The following PHF21B variants were observed in gnomAD, a reference collection of about 807,000 sequenced individuals.
The protein encoded by PHF21B is PHD finger protein 21B, also known as PHD finger protein 4.
Under a neutral mutation model 62.2 loss-of-function variants are expected in PHF21B, and 22 were observed. That is an observed-to-expected ratio of 0.35 (90% CI 0.25 to 0.51). The LOEUF is 0.51. Among genes scored for constraint, PHF21B ranks in the 20% least tolerant of loss-of-function variants. The pLI is 0.97. For synonymous variants in PHF21B, 341 were observed against 314.7 expected (o/e 1.08, Z -0.88); for missense variants, 701 against 707.9 (o/e 0.99, Z 0.11).
chr22:45,005,405 C>T (rs2073296904), intron 2 of PHF21B, among the ~76,000 whole-genome samples: 1 of 152,160 alleles, frequency 6.6e-6, no homozygotes, highest in African/African-American at 2.4e-5. Context: ...TTTCAAATAG[C>T]AAGGTCCTAT....
chr22:44,898,889 C>T (rs1370456813), intron 5 of PHF21B, among the ~76,000 whole-genome samples: 2 of 152,192 alleles, frequency 1.3e-5, no homozygotes, highest in Admixed American at 6.5e-5. Context: ...ACTGAAAATT[C>T]CATCTTCCCG....
intron 5 of PHF21B, among the ~76,000 whole-genome samples, chr22:44,899,659 T>A (rs1292196676): frequency 2.0e-5 from 3 of 151,976 alleles, no homozygotes; most frequent in Admixed American, 6.6e-5. Context: ...CTCCTCTCCT[T>A]CCTTCTCCTC....
At chr22:44,993,622 A>C (rs1191079619) in intron 2 of PHF21B, among the ~76,000 whole-genome samples, 1 of 152,246 alleles carries the variant, frequency 6.6e-6, no homozygotes, top group Non-Finnish European at 1.5e-5. Flanking sequence ...GCTTGGAGAC[A>C]GCGGCCTTCA....
intron 2 of PHF21B, among the ~76,000 whole-genome samples, chr22:44,924,343 A>T (rs1322924098): frequency 6.6e-6 from 1 of 152,220 alleles, no homozygotes; most frequent in Non-Finnish European, 1.5e-5. Context: ...ACATAAAATG[A>T]TACGCTTTGA....
chr22:45,000,328 A>G (rs565604486), intron 2 of PHF21B, among the ~76,000 whole-genome samples: 8 of 152,112 alleles, frequency 5.3e-5, no homozygotes, highest in East Asian at 3.9e-4. Flanking sequence ...TGCCCCATAC[A>G]TATCAAGAGC....
intron 2 of PHF21B, among the ~76,000 whole-genome samples, chr22:44,992,845 T>C (rs2073063428): frequency 6.6e-6 from 1 of 152,200 alleles, no homozygotes; most frequent in Non-Finnish European, 1.5e-5. Context: ...CACGATCCTG[T>C]CGGCCTCATC....
chr22:44,900,036 T>C (rs543027042), intron 5 of PHF21B, among the ~76,000 whole-genome samples: 5 of 152,344 alleles, frequency 3.3e-5, no homozygotes, highest in South Asian at 2.1e-4. Flanking sequence ...TTCTGATTCA[T>C]TTAAAGTCCC....
intron 2 of PHF21B, among the ~76,000 whole-genome samples, chr22:44,921,156 A>G (rs959587914): frequency 2.6e-5 from 4 of 152,108 alleles, no homozygotes; most frequent in African/African-American, 9.7e-5. Flanking sequence ...GCCCCCCAAT[A>G]TGGGGGTCTC....
In PHF21B at chr22:45,009,655, C is replaced by G; in HGVS notation, c.-106G>C. On this transcript the variant is annotated 5_prime_UTR_variant, in exon 1 of 13. Transcript: ENST00000313237. This position sits in a 1 kb window ranked among gnomAD's most constrained non-coding sequence, Gnocchi z 5.9. The stretch of plus-strand genomic sequence containing the variant: ...GGCGCGGGCGGACGCGGCCTCCGGG[C>G]TGGGTTGGGGGGGACACGAGCCCCC... 2.6e-6 allele frequency: 3 copies of G among 1,135,888 alleles called. No individual in the cohort carries two copies. The highest frequency in any genetic ancestry group is 3.5e-6 in the Non-Finnish European group (3 of 852,310). 70.4% of individuals were successfully genotyped at this position (1,135,888 alleles called of 1,614,324 possible).
intron 2 of PHF21B, among the ~76,000 whole-genome samples, chr22:44,946,882 G>A (rs968171905): frequency 6.6e-6 from 1 of 152,196 alleles, no homozygotes; most frequent in African/African-American, 2.4e-5. Flanking sequence ...TCAGCCACCT[G>A]CCACAGAAGG....
At chr22:44,916,770 C>T (rs973697057) in intron 3 of PHF21B, 140 bp from the exon 4 acceptor site, 4 of 814,346 alleles carry the variant, frequency 4.9e-6, no homozygotes, top group African/African-American at 1.7e-5. Flanking sequence ...CACGGCCTCA[C>T]AGCAGGTGAG....
At chr22:44,924,962 A>G (rs959017985) in intron 2 of PHF21B, among the ~76,000 whole-genome samples, 1 of 152,340 alleles carries the variant, frequency 6.6e-6, no homozygotes, top group East Asian at 1.9e-4. Context: ...ACGACAGAGT[A>G]TTACTCAGCA....
At chr22:44,984,284 CCAT>C (rs1475254230) in intron 2 of PHF21B, among the ~76,000 whole-genome samples, 86 of 147,876 alleles carry the variant, frequency 5.8e-4, no homozygotes, top group Middle Eastern at 6.9e-3. Flanking sequence ...ACCACCACCA[CCAT>C]CATCATCATC....
At chr22:44,995,785 C>T (rs2073110518) in intron 2 of PHF21B, among the ~76,000 whole-genome samples, 3 of 149,886 alleles carry the variant, frequency 2.0e-5, no homozygotes, top group African/African-American at 7.4e-5. Context: ...CTAGATGACC[C>T]CCCCGCCCCC....
rs537768936 is a variant in PHF21B, at chr22:44,894,563, T to A, written c.884-1030A>T. ...GGCAAGCTGAGGGCAGCGGGATTCA[T>A]CTCGCTCAAGCTCACACCATCAGGC... On this transcript the variant is annotated intron_variant, in intron 6 of 12. Transcript: ENST00000313237. Among the ~76,000 whole-genome samples, 4 of 152,310 alleles carry A rather than the reference T, an allele frequency of 2.6e-5. No homozygotes were observed. In the South Asian group the frequency reaches 6.2e-4, roughly 24 times the overall value.
intron 2 of PHF21B, among the ~76,000 whole-genome samples, chr22:44,977,999 C>T (rs1311408484): frequency 6.6e-6 from 1 of 152,160 alleles, no homozygotes; most frequent in African/African-American, 2.4e-5. Flanking sequence ...CGTGGCCTCA[C>T]TCATTCCTTT....
chr22:44,951,966 A>G (rs994197871), intron 2 of PHF21B, among the ~76,000 whole-genome samples: 2 of 152,246 alleles, frequency 1.3e-5, no homozygotes, highest in African/African-American at 4.8e-5. Flanking sequence ...AACAGTGGTT[A>G]TGATGAAATG....
intron 9 of PHF21B, among the ~76,000 whole-genome samples, chr22:44,889,520 G>C (rs1435937253): frequency 7.2e-5 from 11 of 152,234 alleles, no homozygotes; most frequent in Non-Finnish European, 4.4e-5. Context: ...ATTCTGAGGA[G>C]GGAGGGCTCC....
At chr22:44,971,235 G>A (rs1367578037) in intron 2 of PHF21B, 1 of 152,188 alleles carries the variant, frequency 6.6e-6, no homozygotes, top group African/African-American at 2.4e-5. Context: ...TGGGCCCCTG[G>A]CGTGGCTATG....
Sources: gnomAD v4.1 joint callset for allele counts (sites outside exome capture counted in the v4.1 genomes callset) on GRCh38, gnomAD v4.1.1 for gene constraint, Gnocchi (gnomAD v3.1) non-coding constraint, MANE v1.5 for transcripts, NCBI Gene and HGNC (gene_info 2026-07-23, HGNC 2026-07-21) for gene names.